MCF2L: variants seen among roughly 807,000 people sequenced by gnomAD.
MCF2L encodes the protein MCF.2 cell line derived transforming sequence like, also known as guanine nucleotide exchange factor DBS.
Under a neutral mutation model 153.4 loss-of-function variants are expected in MCF2L, and 97 were observed. That is an observed-to-expected ratio of 0.63 (90% confidence interval 0.54 to 0.75). The LOEUF is 0.75. MCF2L is among the 30% of genes least tolerant of loss of function. MCF2L has a pLI of 0.00. For synonymous variants in MCF2L, 659 were observed against 632.2 expected (o/e 1.04, Z -0.64); for missense variants, 1,347 against 1,495.2 (o/e 0.90, Z 1.64).
chr13:112,986,238 A>G (rs556658990), intron 1 of MCF2L, among the ~76,000 whole-genome samples: 57 of 152,080 alleles, frequency 3.7e-4, no homozygotes, highest in Non-Finnish European at 1.2e-4. Flanking sequence ...GCCGGATGCC[A>G]TGTGGCGCTT....
chr13:112,928,687 T>C (rs192444204), intron 2 of MCF2L, among the ~76,000 whole-genome samples: 12 of 152,340 alleles, frequency 7.9e-5, no homozygotes, highest in Admixed American at 5.2e-4. Flanking sequence ...GCCTGTTGTA[T>C]GGGACACACA....
chr13:112,961,949 G>A lies in MCF2L; in HGVS notation c.170-52814G>A, dbSNP rs193247163. ...CCCACCTCCTCCAGTTTCTGCCTGC[G>A]CCAGCTTCTCCGTTGCACAGCGAGG... On this transcript the variant is annotated intron_variant, in intron 2 of 29. Transcript: ENST00000375608. 3.3e-3 allele frequency among the ~76,000 whole-genome samples: 497 copies of A among 152,206 alleles called. 2 individuals are homozygous for A. The highest frequency in any genetic ancestry group is 0.011 in the African/African-American group (477 of 41,516).
At chr13:113,012,596 T>G (rs116470695) in intron 1 of MCF2L, among the ~76,000 whole-genome samples, 11,331 of 66,692 alleles carry the variant, frequency 0.17, 2,538 homozygotes, top group East Asian at 0.39. Flanking sequence ...CAGTGTGGAC[T>G]GTGGACACTG....
intron 2 of MCF2L, among the ~76,000 whole-genome samples, chr13:112,940,550 C>G (rs2152929): frequency 0.4 from 60,692 of 152,214 alleles, 12,446 homozygotes; most frequent in East Asian, 0.62. Context: ...CAGTGGGTTT[C>G]AGGGACACGG....
rs2086813162 is a variant in MCF2L, at chr13:113,046,354, G to A, written c.369+993G>A. 2.9e-6 allele frequency: 1 copy of A among 344,698 alleles called. No individual in the cohort carries two copies. The highest frequency in any genetic ancestry group is 2.2e-5 in the African/African-American group (1 of 45,904). The allele number at this position is 344,698 out of a possible 1,614,324, so 21.4% of individuals were successfully genotyped here. On this transcript the variant is annotated intron_variant, in intron 4 of 29. Coordinates refer to ENST00000535094, the MANE Select transcript of MCF2L (RefSeq NM_001112732.3). This position sits in a 1 kb window ranked among gnomAD's most constrained non-coding sequence, Gnocchi z 4.4. ...CACAGCCCGTCCCTCCCAGGCTCTG[G>A]GACCCTGGGTCCTCAGCTGTGATGG...
chr13:113,013,872 G>C (rs558952881), intron 1 of MCF2L, among the ~76,000 whole-genome samples: 1 of 152,240 alleles, frequency 6.6e-6, no homozygotes, highest in Non-Finnish European at 1.5e-5. Context: ...CTGTCAGTCC[G>C]TACAGCTTTC....
At chr13:113,011,280 C>T (rs1351039606) in intron 1 of MCF2L, among the ~76,000 whole-genome samples, 1 of 152,240 alleles carries the variant, frequency 6.6e-6, no homozygotes, top group African/African-American at 2.4e-5. Flanking sequence ...TCTGATCACA[C>T]ACAGGGGGAT....
chr13:113,013,858 C>T (rs2084329375), intron 1 of MCF2L, among the ~76,000 whole-genome samples: 1 of 152,242 alleles, frequency 6.6e-6, no homozygotes. Context: ...CAGAGACCAC[C>T]AGCCTGTCAG....
chr13:112,919,053 T>C (rs1040647542), intron 2 of MCF2L, among the ~76,000 whole-genome samples: 1 of 152,202 alleles, frequency 6.6e-6, no homozygotes, highest in African/African-American at 2.4e-5. Flanking sequence ...GTGCCTCTCT[T>C]ACTATTCCTT....
chr13:113,060,653 A>G lies in MCF2L; in HGVS notation c.430A>G (p.Arg144Gly), dbSNP rs372364697. Residue 144 changes from arginine to glycine, a missense_variant, in exon 5 of 30, where the codon AGG becomes GGG. Coordinates refer to ENST00000535094, the MANE Select transcript of MCF2L (RefSeq NM_001112732.3). The stretch of plus-strand genomic sequence containing the variant: ...GCTTCGCCCGACGGGTTTTTTCCAA[A>G]GGACTCTCTCCGACATCGCTTTCAA... Reference protein sequence around the residue: ...LVLRPTGFFQRTLSDIAFKFN... With the variant: ...LVLRPTGFFQGTLSDIAFKFN... The G allele has an allele frequency of 1.9e-6, 3 of 1,613,624 alleles. No individual in the cohort carries two copies. The highest frequency in any genetic ancestry group is 2.7e-5 in the African/African-American group (2 of 74,938).
At chr13:112,991,166 C>T (rs2082881391) in intron 1 of MCF2L, among the ~76,000 whole-genome samples, 1 of 152,232 alleles carries the variant, frequency 6.6e-6, no homozygotes, top group African/African-American at 2.4e-5. Flanking sequence ...ACAGCACTGC[C>T]CTCACTGAGG....
intron 2 of MCF2L, among the ~76,000 whole-genome samples, chr13:112,938,775 A>G (rs894085551): frequency 1.3e-5 from 2 of 152,324 alleles, no homozygotes; most frequent in Middle Eastern, 3.4e-3. Flanking sequence ...GGGAGCACAC[A>G]TTCACTAACC....
chr13:113,005,062 G>T (rs1216623831), intron 1 of MCF2L, among the ~76,000 whole-genome samples: 1 of 152,222 alleles, frequency 6.6e-6, no homozygotes, highest in Non-Finnish European at 1.5e-5. Flanking sequence ...GAGCTCACCA[G>T]CCCACACGTG....
chr13:112,985,330 G>A (rs2082590206), intron 1 of MCF2L: 2 of 458,966 alleles, frequency 4.4e-6, no homozygotes, highest in African/African-American at 2.0e-5. Flanking sequence ...ACAAGGAGAG[G>A]GTTGTGGCGA....
At chr13:112,996,507 A>G (rs1261729290) in intron 1 of MCF2L, among the ~76,000 whole-genome samples, 1 of 152,166 alleles carries the variant, frequency 6.6e-6, no homozygotes, top group Admixed American at 6.5e-5. Flanking sequence ...TCCACCCAGA[A>G]CGTCGCAAAT....
intron 2 of MCF2L, chr13:112,902,507 G>A: frequency 1.1e-6 from 1 of 933,120 alleles, no homozygotes; most frequent in Non-Finnish European, 1.5e-6. Flanking sequence ...CCCCCAGGTA[G>A]CAGGCTGTGG....
chr13:112,923,990 G>C (rs79199567), intron 2 of MCF2L, among the ~76,000 whole-genome samples: 14,289 of 152,078 alleles, frequency 0.094, 776 homozygotes, highest in East Asian at 0.17. Flanking sequence ...ATGCATTTTT[G>C]GCCCAGAAAT....
intron 3 of MCF2L, among the ~76,000 whole-genome samples, chr13:113,038,777 A>G (rs1273199443): frequency 1.3e-5 from 2 of 152,246 alleles, no homozygotes; most frequent in African/African-American, 4.8e-5. Context: ...ATTAACACAG[A>G]TGGTGTAAAC....
intron 1 of MCF2L, among the ~76,000 whole-genome samples, chr13:112,978,894 T>C (rs2082302882): frequency 6.6e-6 from 1 of 152,146 alleles, no homozygotes; most frequent in South Asian, 2.1e-4. Context: ...GCCCTGTGTG[T>C]GCCCAGCACG....
Sources: gnomAD v4.1 joint callset for allele counts (sites outside exome capture counted in the v4.1 genomes callset) on GRCh38, gnomAD v4.1.1 for gene constraint, Gnocchi (gnomAD v3.1) non-coding constraint, MANE v1.5 for transcripts, NCBI Gene and HGNC (gene_info 2026-07-23, HGNC 2026-07-21) for gene names.